VTA1: variants seen among roughly 807,000 people sequenced by gnomAD.
The protein encoded by VTA1 is vesicle trafficking 1.
Under a neutral mutation model 36.9 loss-of-function variants are expected in VTA1, and 24 were observed. That is an observed-to-expected ratio of 0.65 (90% CI 0.47 to 0.91). VTA1 has a LOEUF of 0.91. Among genes scored for constraint, VTA1 ranks in the 40% least tolerant of loss-of-function variants. The pLI is 0.00. For missense variants in VTA1, 393 were observed against 377.2 expected, an observed-to-expected ratio of 1.04 and a Z score of -0.35; for synonymous variants, 142 against 130.2, an observed-to-expected ratio of 1.09 and a Z score of -0.62.
At chr6:142,171,540 A>C (rs965297567) in intron 4 of VTA1, among the ~76,000 whole-genome samples, 1 of 152,214 alleles carries the variant, frequency 6.6e-6, no homozygotes, top group South Asian at 2.1e-4. Flanking sequence ...GATTCCCATA[A>C]TGATTTACCA....
chr6:142,190,378 T>G (rs752525706), intron 5 of VTA1, among the ~76,000 whole-genome samples: 6 of 152,198 alleles, frequency 3.9e-5, no homozygotes, highest in Non-Finnish European at 8.8e-5. Context: ...AGTAGAAACA[T>G]ATATGCTCCA....
chr6:142,198,663 A>G, intron 6 of VTA1, 48 bp downstream of exon 6: 3 of 1,525,870 alleles, frequency 2.0e-6, no homozygotes, highest in Non-Finnish European at 2.7e-6. Flanking sequence ...TTTTATAAAG[A>G]AGAACTGCAT....
At position 142,218,810 on chromosome 6, in the gene VTA1, C is replaced by T; in HGVS notation, c.*167C>T. The T allele has an allele frequency of 1.3e-6, 1 of 748,532 alleles. No homozygotes were observed. The allele number at this position is 748,532 out of a possible 1,614,324, so 46.4% of individuals were successfully genotyped here. A position where few individuals can be genotyped will look rare whatever the true frequency, so the allele number is the denominator to read the frequency against. On this transcript the variant is annotated 3_prime_UTR_variant, in exon 8 of 8. Transcript: ENST00000367630. ...TTATTGAAGCATTCATCAGCAGCCTCAACCAGTTTTCATTGTCCATTTACT... is the reference window on the plus strand; with the variant it reads ...TTATTGAAGCATTCATCAGCAGCCTTAACCAGTTTTCATTGTCCATTTACT...
intron 7 of VTA1, among the ~76,000 whole-genome samples, chr6:142,215,440 CAAA>C (rs11441518): frequency 6.8e-6 from 1 of 147,102 alleles, no homozygotes; most frequent in Non-Finnish European, 1.5e-5. Flanking sequence ...GACTCCATCT[CAAA>C]AAAAAAAAAG....
chr6:142,174,183 C>T (rs1775075719), intron 4 of VTA1, among the ~76,000 whole-genome samples: 1 of 152,126 alleles, frequency 6.6e-6, no homozygotes, highest in African/African-American at 2.4e-5. Flanking sequence ...GGAAAAGGTG[C>T]AGCTTTCAAC....
At chr6:142,213,583 G>A (rs545473330) in intron 7 of VTA1, among the ~76,000 whole-genome samples, 1 of 152,342 alleles carries the variant, frequency 6.6e-6, no homozygotes, top group South Asian at 2.1e-4. Flanking sequence ...TGTTCCATGA[G>A]GGCTCCACCA....
At chr6:142,211,555 C>T (rs2114686185) in intron 7 of VTA1, among the ~76,000 whole-genome samples, 1 of 151,920 alleles carries the variant, frequency 6.6e-6, no homozygotes, top group African/African-American at 2.4e-5. Flanking sequence ...ACTAAAAATA[C>T]AAAAAATTAG....
At chr6:142,171,204 C>T (rs775314361) in intron 4 of VTA1, among the ~76,000 whole-genome samples, 2 of 152,124 alleles carry the variant, frequency 1.3e-5, no homozygotes, top group Non-Finnish European at 2.9e-5. Context: ...AAGCGATTCT[C>T]CTGCCTCAGT....
chr6:142,161,084 C>CT lies in VTA1; in HGVS notation c.113-5144_113-5143insT, dbSNP rs1263224114. ...TCATTCATGCTTCCTTCCTTCCCCCCCCCCCCTTTTTTTGGGTCAAATAGT... is the reference window on the plus strand; with the variant it reads ...TCATTCATGCTTCCTTCCTTCCCCCCTCCCCCCTTTTTTTGGGTCAAATAGT... On this transcript the variant is annotated intron_variant, in intron 1 of 7. Transcript: ENST00000367630. 1.6e-3 allele frequency among the ~76,000 whole-genome samples: 219 copies of CT among 136,460 alleles called. 12 individuals carry two copies. Among genetic ancestry groups the CT allele is most frequent in the Admixed American group, 1.3e-3 (17 of 13,322 alleles). 89.5% of individuals were successfully genotyped at this position (136,460 alleles called of 152,430 possible). A position where few individuals can be genotyped will look rare whatever the true frequency, so the allele number is the denominator to read the frequency against.
chr6:142,189,500 T>A lies in VTA1; in HGVS notation c.486T>A (p.Pro162=), dbSNP rs377636443. 6.2e-7 allele frequency: 1 copy of A among 1,613,696 alleles called. No homozygotes were observed. Among genetic ancestry groups the A allele is most frequent in the Non-Finnish European group, 8.5e-7 (1 of 1,179,842 alleles). The change falls in exon 5 of 8, where the codon CCT becomes CCA. Residue 162 remains proline (P), a synonymous_variant. Coordinates refer to ENST00000367630, the MANE Select transcript of VTA1 (RefSeq NM_016485.5). ...IHNCLKNGET[P]QAGPVGIEED... The stretch of plus-strand genomic sequence containing the variant: ...ATTGTTTAAAGAATGGGGAGACTCC[T>A]CAAGCAGGCCCTGTTGGAATTGAAG...
At chr6:142,198,818 T>C in intron 6 of VTA1, 1 of 462,888 alleles carries the variant, frequency 2.2e-6, no homozygotes, top group Non-Finnish European at 3.7e-6. Flanking sequence ...AAATGACAAG[T>C]ATTATGTGCA....
chr6:142,152,179 A>G (rs1273116707), intron 1 of VTA1, among the ~76,000 whole-genome samples: 1 of 152,148 alleles, frequency 6.6e-6, no homozygotes, highest in Non-Finnish European at 1.5e-5. Flanking sequence ...TGCATCCTAC[A>G]ATAAATAAGA....
At chr6:142,207,990 G>A (rs113018002) in intron 7 of VTA1, among the ~76,000 whole-genome samples, 1,676 of 151,520 alleles carry the variant, frequency 0.011, 34 homozygotes, top group African/African-American at 0.038. Flanking sequence ...GGGAGGCTGA[G>A]GCAGGAGAAT....
At chr6:142,191,341 A>G (rs1394856916) in intron 5 of VTA1, among the ~76,000 whole-genome samples, 1 of 152,052 alleles carries the variant, frequency 6.6e-6, no homozygotes, top group Non-Finnish European at 1.5e-5. Context: ...TAAATTGTCA[A>G]TTTGGGGTTT....
chr6:142,149,316 T>G lies in VTA1; in HGVS notation c.112+1917T>G, dbSNP rs9484604. On this transcript the variant is annotated intron_variant, in intron 1 of 7. Transcript: ENST00000367630. The stretch of plus-strand genomic sequence containing the variant: ...AGGTGACACTTAACAATTTTAGTTA[T>G]GAAACATGTACATATAAAAGCATAT... 3.8e-3 allele frequency among the ~76,000 whole-genome samples: 573 copies of G among 152,336 alleles called. 3 individuals are homozygous for G. Among genetic ancestry groups the G allele is most frequent in the African/African-American group, 0.012 (496 of 41,586 alleles).
chr6:142,148,129 T>C (rs1172371505), intron 1 of VTA1, among the ~76,000 whole-genome samples: 1 of 152,238 alleles, frequency 6.6e-6, no homozygotes, highest in Non-Finnish European at 1.5e-5. Flanking sequence ...TTTTGTATTC[T>C]GTACTCTTAA....
chr6:142,157,734 AT>A (rs1218334848), intron 1 of VTA1, among the ~76,000 whole-genome samples: 2 of 152,134 alleles, frequency 1.3e-5, no homozygotes, highest in East Asian at 3.9e-4. Flanking sequence ...TATATAGTAG[AT>A]TTCAATAACT....
intron 4 of VTA1, among the ~76,000 whole-genome samples, chr6:142,179,160 A>T (rs1464328186): frequency 6.6e-6 from 1 of 152,148 alleles, no homozygotes; most frequent in Non-Finnish European, 1.5e-5. Context: ...CACCCCCATT[A>T]GTCATCGATA....
intron 4 of VTA1, among the ~76,000 whole-genome samples, chr6:142,187,402 C>A (rs1455243764): frequency 6.6e-6 from 1 of 152,098 alleles, no homozygotes; most frequent in African/African-American, 2.4e-5. Flanking sequence ...GTAGACTAGG[C>A]AGTTGATATT....
Sources: allele counts gnomAD v4.1 joint callset (sites outside exome capture counted in the v4.1 genomes callset), GRCh38; gene constraint gnomAD v4.1.1; transcripts MANE v1.5; gene names NCBI Gene and HGNC (gene_info 2026-07-23, HGNC 2026-07-21).